Variants in SDK1 observed in about 807,000 individuals in gnomAD.
The protein encoded by SDK1 is protein sidekick-1.
Under a neutral mutation model 245.5 loss-of-function variants are expected in SDK1, and 157 were observed. The observed-to-expected ratio is 0.64, with a 90% CI of 0.56 to 0.73. The LOEUF is 0.73. Among genes scored for constraint, SDK1 ranks in the 30% least tolerant of loss-of-function variants. SDK1 has a pLI of 0.00. For missense variants in SDK1, 3,583 were observed against 3,002.3 expected (o/e 1.19, Z -4.52); for synonymous variants, 1,647 against 1,278.5 (o/e 1.29, Z -6.15).
chr7:3,317,064 C>G (rs780840645), intron 1 of SDK1, among the ~76,000 whole-genome samples: 23 of 150,810 alleles, frequency 1.5e-4, no homozygotes, highest in Non-Finnish European at 2.9e-4. Context: ...ACTTGTCGTC[C>G]CAGCTACTTG....
intron 1 of SDK1, among the ~76,000 whole-genome samples, chr7:3,450,162 G>C (rs1448131523): frequency 1.3e-5 from 2 of 152,196 alleles, no homozygotes; most frequent in Admixed American, 1.3e-4. Flanking sequence ...CTGTATAATT[G>C]GATCATATGT....
intron 4 of SDK1, among the ~76,000 whole-genome samples, chr7:3,803,997 C>T (rs974914582): frequency 2.0e-5 from 3 of 152,140 alleles, no homozygotes; most frequent in Admixed American, 2.0e-4. Flanking sequence ...ATCTCCTGAC[C>T]TCGTGATCCA....
At chr7:3,950,837 G>T (rs1008657188) in intron 5 of SDK1, 86 bp from the exon 6 acceptor site, 18 of 967,398 alleles carry the variant, frequency 1.9e-5, no homozygotes, top group Non-Finnish European at 2.6e-5. Context: ...TATCCCCGGG[G>T]GTCTTGGAAC....
At chr7:4,175,743 T>C (rs1463720900) in intron 33 of SDK1, 32 bp from the exon 34 acceptor site, 1 of 1,600,702 alleles carries the variant, frequency 6.2e-7, no homozygotes, top group Non-Finnish European at 8.6e-7. Flanking sequence ...CCCTGCGTGC[T>C]AACCACCTTT....
rs57770805 is a variant in SDK1, at chr7:3,319,878, C to CTTTTTTTT, written c.298+18004_298+18011dup. ...TGCCTATATCTAACCCATTCTTAGT[C>CTTTTTTTT]TTTTTTTTTTTTTTTTTGCATTTGC... is the stretch of plus-strand genomic sequence containing the variant. On this transcript the variant is annotated intron_variant, in intron 1 of 44. Transcript: ENST00000404826. Among the ~76,000 whole-genome samples, 103 of 88,112 alleles carry CTTTTTTTT rather than the reference C, an allele frequency of 1.2e-3. 12 individuals carry two copies. Among genetic ancestry groups the CTTTTTTTT allele is most frequent in the South Asian group, 4.0e-3 (10 of 2,526 alleles). The allele number at this position is 88,112 out of a possible 152,430, so 57.8% of individuals were successfully genotyped here. A position where few individuals can be genotyped will look rare whatever the true frequency, so the allele number is the denominator to read the frequency against.
chr7:3,839,838 C>T (rs1272435544), intron 5 of SDK1, among the ~76,000 whole-genome samples: 1 of 152,018 alleles, frequency 6.6e-6, no homozygotes, highest in Non-Finnish European at 1.5e-5. Context: ...TTTAGAGTCA[C>T]AGGAAATTTT....
chr7:3,877,731 A>G (rs1397980460), intron 5 of SDK1, among the ~76,000 whole-genome samples: 1 of 152,236 alleles, frequency 6.6e-6, no homozygotes, highest in Non-Finnish European at 1.5e-5. Flanking sequence ...GGAGATTCGT[A>G]TAAGACGGGG....
intron 1 of SDK1, among the ~76,000 whole-genome samples, chr7:3,462,820 T>C (rs1780874925): frequency 6.6e-6 from 1 of 152,208 alleles, no homozygotes; most frequent in Admixed American, 6.5e-5. Flanking sequence ...TCTCATCCAT[T>C]GTGGTTCTTT....
intron 4 of SDK1, among the ~76,000 whole-genome samples, chr7:3,710,176 A>G (rs904767529): frequency 1.3e-5 from 2 of 152,356 alleles, no homozygotes; most frequent in African/African-American, 4.8e-5. Flanking sequence ...ATCTGGTGGT[A>G]CTTAGAGCCA....
chr7:3,524,854 C>T (rs1454051458), intron 1 of SDK1, among the ~76,000 whole-genome samples: 3 of 152,106 alleles, frequency 2.0e-5, no homozygotes, highest in Non-Finnish European at 4.4e-5. Context: ...GGTTTAAAAA[C>T]TGTGGGAATG....
chr7:3,757,235 A>G (rs1779958384), intron 4 of SDK1, among the ~76,000 whole-genome samples: 1 of 152,052 alleles, frequency 6.6e-6, no homozygotes, highest in Non-Finnish European at 1.5e-5. Flanking sequence ...TGGGCTCAGT[A>G]ACTCACTAGA....
intron 4 of SDK1, among the ~76,000 whole-genome samples, chr7:3,669,432 A>G (rs1420940995): frequency 1.3e-5 from 2 of 152,074 alleles, no homozygotes; most frequent in Non-Finnish European, 2.9e-5. Flanking sequence ...AAACAGAATC[A>G]TCTTTGAGTT....
At chr7:3,640,390 T>C (rs1361200454) in intron 3 of SDK1, among the ~76,000 whole-genome samples, 5 of 152,204 alleles carry the variant, frequency 3.3e-5, no homozygotes, top group Non-Finnish European at 7.3e-5. Flanking sequence ...AATATCTAGT[T>C]ATTTTACCAT....
At chr7:4,159,087 G>C (rs1324780234) in intron 31 of SDK1, among the ~76,000 whole-genome samples, 1 of 152,228 alleles carries the variant, frequency 6.6e-6, no homozygotes, top group Non-Finnish European at 1.5e-5. Flanking sequence ...ATCACAGGAC[G>C]GGTGGGATGG....
At position 3,931,964 on chromosome 7, in the gene SDK1, C is replaced by T. The variant is rs374101381; in HGVS notation, c.848-18959C>T. ...TGCTGGGCATCACCCTGCTTTAAAA[C>T]GGCATGAGTTGCTGGGTGCCTGAAC... On this transcript the variant is annotated intron_variant, in intron 5 of 44. Transcript: ENST00000404826. Among the ~76,000 whole-genome samples, 1,056 of 152,284 alleles carry T rather than the reference C, an allele frequency of 6.9e-3. 15 individuals carry two copies. The highest frequency in any genetic ancestry group is 0.024 in the African/African-American group (1,012 of 41,560).
At chr7:3,363,294 C>G (rs750958052) in intron 1 of SDK1, among the ~76,000 whole-genome samples, 10 of 152,072 alleles carry the variant, frequency 6.6e-5, no homozygotes, top group Non-Finnish European at 1.3e-4. Flanking sequence ...TTTTCTATTT[C>G]AGTAATTCAT....
intron 1 of SDK1, among the ~76,000 whole-genome samples, chr7:3,311,013 T>C (rs1049442955): frequency 1.3e-5 from 2 of 152,206 alleles, no homozygotes; most frequent in Admixed American, 6.5e-5. Context: ...TGTTATTTAT[T>C]CTTTTGTGTA....
At chr7:4,183,766 G>T (rs945823167) in intron 35 of SDK1, among the ~76,000 whole-genome samples, 2 of 152,166 alleles carry the variant, frequency 1.3e-5, no homozygotes, top group South Asian at 4.1e-4. Flanking sequence ...ACGAGGAGGG[G>T]GATTGGCTTT....
chr7:3,424,651 C>T (rs1384818248), intron 1 of SDK1, among the ~76,000 whole-genome samples: 1 of 152,174 alleles, frequency 6.6e-6, no homozygotes, highest in South Asian at 2.1e-4. Context: ...AATCCCAGCA[C>T]TTTGGGAGGC....
Sources: gnomAD v4.1 joint callset for allele counts (sites outside exome capture counted in the v4.1 genomes callset) on GRCh38, gnomAD v4.1.1 for gene constraint, MANE v1.5 for transcripts, NCBI Gene and HGNC (gene_info 2026-07-23, HGNC 2026-07-21) for gene names.